Variants in CDH23 observed in about 807,000 individuals in gnomAD.
CDH23 encodes cadherin-23.
CDH23 carries 189 observed loss-of-function variants against 317.1 expected under a neutral mutation model. The ratio of observed to expected loss-of-function variants is 0.60; its 90% confidence interval spans 0.53 to 0.67. The LOEUF (loss-of-function observed/expected upper bound fraction) is 0.67. CDH23 is among the 30% of genes least tolerant of loss of function. The probability of loss-of-function intolerance (pLI) is 0.00; values close to 1 mark genes in which losing one functional copy is unlikely to be tolerated. For synonymous variants in CDH23, 1,839 were observed against 1,876.8 expected (o/e 0.98, Z 0.52); for missense variants, 4,401 against 4,592.4 (o/e 0.96, Z 1.20).
At chr10:71,477,087 T>C (rs1239642363) in intron 3 of CDH23, among the ~76,000 whole-genome samples, 2 of 152,080 alleles carry the variant, frequency 1.3e-5, no homozygotes, top group African/African-American at 2.4e-5. Flanking sequence ...CCCAGCAGGG[T>C]AGAGAAACCA....
At position 71,403,514 on chromosome 10, in the gene CDH23, C is replaced by T. The variant is rs893595776; in HGVS notation, c.-6+6196C>T. On this transcript the variant is annotated intron_variant, in intron 1 of 69. Transcript: ENST00000224721. The stretch of plus-strand genomic sequence containing the variant: ...CCTTCCTTCCTTCCTTCCTTTCTTT[C>T]CTTCTTTCTTTCTTTTTTTTTTTGA... Among the ~76,000 whole-genome samples the T allele has an allele frequency of 2.4e-4, 32 of 135,550 alleles. 1 individual carries two copies. Among genetic ancestry groups the T allele is most frequent in the African/African-American group, 9.1e-4 (32 of 35,228 alleles). The allele number at this position is 135,550 out of a possible 152,430, so 88.9% of individuals were successfully genotyped here.
rs1013999629 is a variant in CDH23, at chr10:71,785,104, G to A, written c.5712+4G>A. On this transcript the variant is annotated splice_donor_region_variant and intron_variant, in intron 43 of 69. Transcript: ENST00000224721. ...GGCCTTCTTCATCAATGCCACGGTAGGGCCTAGACTGACCCCAGGGAGCTT... is the reference window on the plus strand; with the variant it reads ...GGCCTTCTTCATCAATGCCACGGTAAGGCCTAGACTGACCCCAGGGAGCTT... 8 of 1,608,402 alleles carry A rather than the reference G, an allele frequency of 5.0e-6. No individual in the cohort carries two copies. Among genetic ancestry groups the A allele is most frequent in the Non-Finnish European group, 6.0e-6 (7 of 1,175,146 alleles).
At chr10:71,677,772 T>A in intron 16 of CDH23, 79 bp downstream of exon 16, 2 of 1,269,620 alleles carry the variant, frequency 1.6e-6, no homozygotes, top group Non-Finnish European at 2.2e-6. Context: ...TTCTTTTTTG[T>A]TTTTGTTTTT....
At chr10:71,451,812 G>A (rs547275898) in intron 3 of CDH23, among the ~76,000 whole-genome samples, 21 of 152,330 alleles carry the variant, frequency 1.4e-4, no homozygotes, top group African/African-American at 2.2e-4. Flanking sequence ...CCTGGTGTGC[G>A]CCTGGAACTT....
intron 6 of CDH23, among the ~76,000 whole-genome samples, chr10:71,515,802 G>T (rs965794440): frequency 6.6e-6 from 1 of 152,232 alleles, no homozygotes; most frequent in African/African-American, 2.4e-5. Context: ...AAATGCTGGT[G>T]ATTAAGACCA....
rs1022113557 is a variant in CDH23 at position 71,751,854 on chromosome 10, G to C, written c.4845+9933G>C. Reference sequence around the variant, plus strand: ...TCAAAGCCGGGGTTTTCAATCCCTTGAATGTTGCTGCCACAGAACCAGAAT... The same window carrying C: ...TCAAAGCCGGGGTTTTCAATCCCTTCAATGTTGCTGCCACAGAACCAGAAT... On this transcript the variant is annotated intron_variant, in intron 38 of 69. Transcript: ENST00000224721. This position sits in a 1 kb window ranked among gnomAD's most constrained non-coding sequence, Gnocchi z 4.9. 1.4e-5 allele frequency: 22 copies of C among 1,550,024 alleles called. No individual in the cohort carries two copies. The highest frequency in any genetic ancestry group is 1.9e-5 in the Non-Finnish European group (22 of 1,147,532).
chr10:71,570,587 T>G (rs1341358379), intron 7 of CDH23, among the ~76,000 whole-genome samples: 2 of 152,220 alleles, frequency 1.3e-5, no homozygotes, highest in Non-Finnish European at 2.9e-5. Flanking sequence ...AGCTCAGAAA[T>G]CACCATGGCT....
intron 3 of CDH23, among the ~76,000 whole-genome samples, chr10:71,502,536 G>A (rs932640639): frequency 7.9e-5 from 12 of 152,216 alleles, no homozygotes; most frequent in African/African-American, 2.9e-4. Flanking sequence ...CTACCTTCAA[G>A]GGGTGATGGC....
At chr10:71,433,265 G>A (rs953326380) in intron 1 of CDH23, among the ~76,000 whole-genome samples, 1 of 152,154 alleles carries the variant, frequency 6.6e-6, no homozygotes, top group African/African-American at 2.4e-5. Flanking sequence ...CCACAGTTGA[G>A]CCAGTCCCCT....
chr10:71,784,807 C>T (rs918189899), intron 42 of CDH23, 84 bp from the exon 43 acceptor site: 1 of 1,086,370 alleles, frequency 9.2e-7, no homozygotes, highest in Non-Finnish European at 1.4e-6. Flanking sequence ...CTCCATGCCG[C>T]CCTTGGCGAA....
At chr10:71,526,152 G>A (rs746981457) in intron 6 of CDH23, among the ~76,000 whole-genome samples, 2 of 152,188 alleles carry the variant, frequency 1.3e-5, no homozygotes, top group Admixed American at 6.5e-5. Flanking sequence ...CAAGAAAGCC[G>A]GGCCCTGCCT....
At chr10:71,461,564 C>T (rs986375212) in intron 3 of CDH23, among the ~76,000 whole-genome samples, 3 of 152,194 alleles carry the variant, frequency 2.0e-5, no homozygotes, top group African/African-American at 7.2e-5. Flanking sequence ...GGGAGTGGTG[C>T]ACCAGCCTTC....
rs73281849 is a variant in CDH23, at chr10:71,409,932, T to C, written c.-6+12614T>C. Among the ~76,000 whole-genome samples, 647 of 152,290 alleles carry C rather than the reference T, an allele frequency of 4.2e-3. 5 individuals carry two copies. The highest frequency in any genetic ancestry group is 0.014 in the African/African-American group (590 of 41,566). On this transcript the variant is annotated intron_variant, in intron 1 of 69. Transcript: ENST00000224721. ...TCCCTTTGTGCCTGGTCTGGGTGGG[T>C]GTGGCCAGGGCTCTGAGCAGCAGGC...
intron 6 of CDH23, among the ~76,000 whole-genome samples, chr10:71,538,915 T>A (rs1221775942): frequency 6.6e-6 from 1 of 152,170 alleles, no homozygotes; most frequent in Non-Finnish European, 1.5e-5. Context: ...AGGGACAGAA[T>A]AAGAAATCAG....
chr10:71,645,881 C>G lies in CDH23; in HGVS notation c.1191C>G (p.His397Gln), dbSNP rs758305358. 1 of 1,613,600 alleles carries G rather than the reference C, an allele frequency of 6.2e-7. No homozygotes were observed. The change falls in exon 13 of 70, where the codon CAC becomes CAG. Residue 397 changes from histidine (H) to glutamine (Q), a missense_variant. Physicochemically the swap from His to Gln is conservative, Grantham distance 24 (BLOSUM62 0). This residue lies in a region of CDH23 where 3,068 missense variants were observed against 3,203.3 expected (regional missense o/e 0.96). Transcript: ENST00000224721. ...ACTTGGTGGGGAACAACTCCCACCA[C>G]TTCATCATCTCCCCGACCTCCGTCC... ...EVYLVGNNSH[H>Q]FIISPTSVQG...
intron 30 of CDH23, among the ~76,000 whole-genome samples, chr10:71,725,962 C>T (rs763653825): frequency 4.0e-5 from 6 of 151,152 alleles, no homozygotes; most frequent in Non-Finnish European, 8.9e-5. Context: ...AGTTCAGTGC[C>T]CTTTCCAATG....
chr10:71,523,435 G>T (rs766729411), intron 6 of CDH23, among the ~76,000 whole-genome samples: 1 of 152,034 alleles, frequency 6.6e-6, no homozygotes, highest in African/African-American at 2.4e-5. Flanking sequence ...AAAATATTCC[G>T]CCCAACACAG....
chr10:71,473,003 A>T (rs551348694), intron 3 of CDH23, among the ~76,000 whole-genome samples: 3 of 152,230 alleles, frequency 2.0e-5, no homozygotes, highest in Admixed American at 2.0e-4. Flanking sequence ...ACTTCCCCTC[A>T]TTACCCTGGG....
chr10:71,487,549 A>C (rs1020975691), intron 3 of CDH23, among the ~76,000 whole-genome samples: 2 of 152,218 alleles, frequency 1.3e-5, no homozygotes, highest in African/African-American at 4.8e-5. Flanking sequence ...ATTTTGAATT[A>C]TGTAAATTAA....
Sources: gnomAD v4.1 joint callset for allele counts (sites outside exome capture counted in the v4.1 genomes callset) on GRCh38, gnomAD v4.1.1 for gene constraint, gnomAD v4.1.1 regional missense constraint, Gnocchi (gnomAD v3.1) non-coding constraint, MANE v1.5 for transcripts, NCBI Gene and HGNC (gene_info 2026-07-23, HGNC 2026-07-21) for gene names.